MYBPC3: variants seen among roughly 807,000 people sequenced by gnomAD.
The protein encoded by MYBPC3 is myosin binding protein C3, also known as myosin-binding protein C, cardiac-type.
MYBPC3 carries 108 observed loss-of-function variants against 159.3 expected under a neutral mutation model. The ratio of observed to expected loss-of-function variants is 0.68; its 90% CI spans 0.58 to 0.80. The LOEUF is 0.80. Among genes scored for constraint, MYBPC3 ranks in the 30% least tolerant of loss-of-function variants. The pLI, the probability that MYBPC3 is intolerant of heterozygous loss-of-function variation, is 0.00. For missense variants in MYBPC3, 1,631 were observed against 1,762.1 expected (o/e 0.93, Z 1.33); for synonymous variants, 730 against 702.0 (o/e 1.04, Z -0.63).
Position 47,347,657 on chromosome 11 carries a change from C to A in MYBPC3, c.845G>T (p.Arg282Leu). Residue 282 changes from arginine to leucine, a missense_variant, in exon 8 of 35, where the codon CGG becomes CTG. Arg to Leu is a moderately radical substitution (Grantham distance 102). Transcript: ENST00000545968. ...GGGCCTGGGGCAGGGGTACCTGATC[C>A]GCCGACCACCTCCAGCCAGGCTCCT... ...RRTSLAGGGR[R>L]ISDSHEDTGI... is the part of the protein sequence containing the mutation. 1 of 1,573,956 alleles carries A rather than the reference C, an allele frequency of 6.4e-7. No individual in the cohort carries two copies. The highest frequency in any genetic ancestry group is 8.6e-7 in the Non-Finnish European group (1 of 1,160,108).
At chr11:47,339,197 G>T in intron 22 of MYBPC3, 127 bp downstream of exon 22, 1 of 1,003,332 alleles carries the variant, frequency 1.0e-6, no homozygotes, top group Non-Finnish European at 1.6e-6. Context: ...CAGGGACCCT[G>T]CTGGGGGCAG....
chr11:47,347,960 G>A (rs894425276), intron 6 of MYBPC3, 55 bp from the exon 7 acceptor site: 1 of 1,514,864 alleles, frequency 6.6e-7, no homozygotes, highest in Non-Finnish European at 9.0e-7. Flanking sequence ...GGCCGTTTGA[G>A]AAGCCCTGCC....
In MYBPC3 at chr11:47,337,739, G is replaced by A; in HGVS notation, c.2364C>T (p.Cys788=). The part of the protein sequence containing the change: ...PKISNVGEDS[C]TVQWEPPAYD... ...AGGCAGGCGGCTCCCACTGTACTGT[G>A]CAGGAGTCCTCTCCCACGTTGCTGA... The change falls in exon 24 of 35, where the codon TGC becomes TGT. Residue 788 remains cysteine (C), a synonymous_variant. Transcript: ENST00000545968. 1.3e-6 allele frequency: 2 copies of A among 1,560,794 alleles called. No homozygotes were observed. Among genetic ancestry groups the A allele is most frequent in the Non-Finnish European group, 1.7e-6 (2 of 1,152,396 alleles).
intron 1 of MYBPC3, among the ~76,000 whole-genome samples, chr11:47,352,064 G>T (rs2095901488): frequency 6.6e-6 from 1 of 152,110 alleles, no homozygotes; most frequent in Admixed American, 6.5e-5. Context: ...GGGTTCAGGG[G>T]CTCCTGACTG....
Position 47,337,481 on chromosome 11 carries a change from C to G in MYBPC3, c.2512G>C (p.Glu838Gln), listed in dbSNP as rs397515969. ...ACGCGCATCTCGTACACCACGCCCT[C>G]GATCATGCGCCGCGCTTCATGACTC... ...ELSHEARRMI[E>Q]GVVYEMRVYA... Residue 838 changes from glutamate to glutamine, a missense_variant, in exon 25 of 35, where the codon GAG (glutamate) becomes CAG (glutamine). Transcript: ENST00000545968. The G allele has an allele frequency of 1.3e-5, 21 of 1,613,886 alleles. No individual in the cohort carries two copies. Among genetic ancestry groups the G allele is most frequent in the Non-Finnish European group, 1.7e-5 (20 of 1,179,880 alleles).
In MYBPC3 at chr11:47,331,877, A is replaced by C; in HGVS notation, c.3819T>G (p.Pro1273=). 1 of 1,610,266 alleles carries C rather than the reference A, an allele frequency of 6.2e-7. No homozygotes were observed. ...TCCCCAGGAGCCAGCCTGGTCACTG[A>C]GGCACTGCAGAAGAGGAGGCCATGT... ...RCECRLEVRV[P]Q The change falls in exon 34 of 35, where the codon CCT becomes CCG. Residue 1273 remains proline (P), a synonymous_variant. Transcript: ENST00000545968.
Position 47,332,456 on chromosome 11 carries a change from C to A in MYBPC3, c.3627+110G>T. 6.6e-7 allele frequency: 1 copy of A among 1,510,056 alleles called. No individual in the cohort carries two copies. Among genetic ancestry groups the A allele is most frequent in the South Asian group, 1.3e-5 (1 of 78,180 alleles). The allele number at this position is 1,510,056 out of a possible 1,614,324, so 93.5% of individuals were successfully genotyped here. ...GGGGGAGGAACCCGGTCCATACACC[C>A]CAAGGTGGAGAGAAAGCAGGGGAGA... On this transcript the variant is annotated intron_variant, in intron 32 of 34. Coordinates refer to ENST00000545968, the MANE Select transcript of MYBPC3 (RefSeq NM_000256.3). This position sits in a 1 kb window ranked among gnomAD's most constrained non-coding sequence, Gnocchi z 4.2.
rs114368094 is a variant in MYBPC3, at chr11:47,332,754, C to G, written c.3491-52G>C. Reference sequence around the variant, plus strand: ...GAGGGCCACACAAAGCTAGGCCCCTCTCCCTGTTCCCACAGCCTCCCTGCC... The same window carrying G: ...GAGGGCCACACAAAGCTAGGCCCCTGTCCCTGTTCCCACAGCCTCCCTGCC... On this transcript the variant is annotated intron_variant, in intron 31 of 34. Transcript: ENST00000545968. The surrounding 1 kb of genome is among the most constrained non-coding windows in gnomAD (Gnocchi z 4.2). The G allele has an allele frequency of 7.9e-4, 1,247 of 1,584,520 alleles. 7 individuals are homozygous for G. The African/African-American group carries it at 0.016, about 20-fold the overall frequency.
chr11:47,331,703 G>A lies in MYBPC3; in HGVS notation c.*40C>T, dbSNP rs148237662. The stretch of plus-strand genomic sequence containing the variant: ...CCTCCAGGCTCCTGGCACGGGGCTG[G>A]CATCCGGTTGTACCTGCAACACAGG... On this transcript the variant is annotated 3_prime_UTR_variant, in exon 35 of 35. Coordinates refer to ENST00000545968, the MANE Select transcript of MYBPC3 (RefSeq NM_000256.3). 1.4e-5 allele frequency: 12 copies of A among 872,402 alleles called. No homozygotes were observed. The East Asian group carries it at 3.0e-4, about 22-fold the overall frequency. The allele number at this position is 872,402 out of a possible 1,614,324, so 54.0% of individuals were successfully genotyped here. A position where few individuals can be genotyped will look rare whatever the true frequency, so the allele number is the denominator to read the frequency against.
chr11:47,342,765 C>A (rs2095890149), intron 16 of MYBPC3, 21 bp from the exon 17 acceptor site: 1 of 1,613,264 alleles, frequency 6.2e-7, no homozygotes. Flanking sequence ...GGGTGGGTGG[C>A]AAGTGCTGTG....
intron 26 of MYBPC3, 44 bp downstream of exon 26, chr11:47,335,833 A>C (rs2095881650): frequency 3.0e-6 from 3 of 1,000,966 alleles, no homozygotes; most frequent in Non-Finnish European, 3.9e-6. Context: ...CAAGGTGAGC[A>C]TGTTCTTCCT....
chr11:47,344,050 A>C (rs992042891), intron 12 of MYBPC3, among the ~76,000 whole-genome samples: 5 of 152,146 alleles, frequency 3.3e-5, no homozygotes, highest in African/African-American at 1.2e-4. Context: ...CAGCCTCCCA[A>C]AGTGCTGGGA....
At position 47,331,531 on chromosome 11, in the gene MYBPC3, G is replaced by A; in HGVS notation, c.*212C>T. ...ACCCTCCTTTTACCCCAAAGATCCA[G>A]GGGCTTCCTTCAGGAGCCCTGTGGA... On this transcript the variant is annotated 3_prime_UTR_variant, in exon 35 of 35. Coordinates refer to ENST00000545968, the MANE Select transcript of MYBPC3 (RefSeq NM_000256.3). The A allele has an allele frequency of 3.5e-6, 1 of 284,282 alleles. No homozygotes were observed. The allele number at this position is 284,282 out of a possible 1,614,324, so 17.6% of individuals were successfully genotyped here.
intron 25 of MYBPC3, among the ~76,000 whole-genome samples, chr11:47,336,894 G>A (rs1263235558): frequency 6.6e-6 from 1 of 152,230 alleles, no homozygotes; most frequent in Non-Finnish European, 1.5e-5. Context: ...CCATCTCTGA[G>A]TCTTGGTCCA....
At chr11:47,347,114 A>G in intron 9 of MYBPC3, 85 bp from the exon 10 acceptor site, 1 of 1,221,322 alleles carries the variant, frequency 8.2e-7, no homozygotes, top group Non-Finnish European at 1.2e-6. Context: ...AGTTGGGCCG[A>G]CCTGGTAGAC....
rs1057517920 is a variant in MYBPC3 at position 47,342,744 on chromosome 11, C to T, written c.1458G>A (p.Trp486Ter). 1 of 1,613,778 alleles carries T rather than the reference C, an allele frequency of 6.2e-7. No homozygotes were observed. The highest frequency in any genetic ancestry group is 1.1e-5 in the South Asian group (1 of 91,058). The change falls in exon 17 of 35, where the codon TGG (tryptophan) becomes TGA (stop). Residue 486 changes from tryptophan to a stop codon, truncating the protein, a stop_gained and splice_region_variant. Transcript: ENST00000545968. LOFTEE classifies it high-confidence loss of function. ...EVSEEGAQVK[W>*]LKDGVELTRE... ...GGGTCAGCTCCACCCCGTCCTTCAG[C>T]CTAGCCGGGTGGGTGGGTGGCAAGT...
At position 47,342,011 on chromosome 11, in the gene MYBPC3, T is replaced by C; in HGVS notation, c.1770A>G (p.Ile590Met). 6.3e-7 allele frequency: 1 copy of C among 1,576,594 alleles called. No homozygotes were observed. The highest frequency in any genetic ancestry group is 8.6e-7 in the Non-Finnish European group (1 of 1,160,256). ...CTCACCGCCCGATGTGGGACACCTT[T>C]ATGCGGCTGTCGGGCACCAGCTCCT... ...NGKELVPDSRIKVSHIGRVHK... is the reference protein window; with the variant it reads ...NGKELVPDSRMKVSHIGRVHK... The change falls in exon 18 of 35, where the codon ATA (isoleucine) becomes ATG (methionine). Residue 590 changes from isoleucine to methionine, a missense_variant. By Grantham distance (10) the Ile-to-Met change is conservative. Transcript: ENST00000545968.
Position 47,339,794 on chromosome 11 carries a change from C to G in MYBPC3, c.1928-4G>C, listed in dbSNP as rs1324763333. 1 of 1,612,978 alleles carries G rather than the reference C, an allele frequency of 6.2e-7. No individual in the cohort carries two copies. The highest frequency in any genetic ancestry group is 8.5e-7 in the Non-Finnish European group (1 of 1,179,088). Reference sequence around the variant, plus strand: ...TCCAGGTGGATCTTGGGAGGTTCTGCAGAAGACACAATGTAGTTCAGAGAA... The same window carrying G: ...TCCAGGTGGATCTTGGGAGGTTCTGGAGAAGACACAATGTAGTTCAGAGAA... On this transcript the variant is annotated splice_region_variant and splice_polypyrimidine_tract_variant and intron_variant, in intron 20 of 34. Transcript: ENST00000545968.
chr11:47,347,173 T>A, intron 9 of MYBPC3, 144 bp from the exon 10 acceptor site: 1 of 1,451,156 alleles, frequency 6.9e-7, no homozygotes, highest in Non-Finnish European at 9.1e-7. Context: ...TCCCCGGAGT[T>A]TACGGAGGGA....
Sources: gnomAD v4.1 joint callset for allele counts (sites outside exome capture counted in the v4.1 genomes callset) on GRCh38, gnomAD v4.1.1 for gene constraint, Gnocchi (gnomAD v3.1) non-coding constraint, MANE v1.5 for transcripts, NCBI Gene and HGNC (gene_info 2026-07-23, HGNC 2026-07-21) for gene names.